Variants in COL6A6 observed in about 807,000 individuals in gnomAD.
The protein encoded by COL6A6 is collagen type VI alpha 6 chain.
In COL6A6, 183 loss-of-function variants were observed where a neutral mutation model predicts 208.6. The observed-to-expected ratio is 0.88, with a 90% confidence interval of 0.78 to 0.99. The LOEUF (loss-of-function observed/expected upper bound fraction) is 0.99, where lower values mean the gene tolerates loss of function less well. Ranked by LOEUF, COL6A6 falls within the 50% of genes least tolerant of loss-of-function variation. The pLI, the probability that COL6A6 is intolerant of heterozygous loss-of-function variation, is 0.00. For missense variants in COL6A6, 2,816 were observed against 2,815.2 expected (o/e 1.00, Z -0.01); for synonymous variants, 973 against 1,011.8 (o/e 0.96, Z 0.73).
In COL6A6 at chr3:130,627,370, G is replaced by A. The variant is rs1245389814; in HGVS notation, c.4992+1G>A. On this transcript the variant is annotated splice_donor_variant, in intron 26 of 36. Coordinates refer to ENST00000358511, the MANE Select transcript of COL6A6 (RefSeq NM_001102608.3). LOFTEE classifies it high-confidence loss of function. Reference sequence around the variant, plus strand: ...TAGTGTCGGACGCAAGGGAGCAAAGGTAAGTCAAGTCTGCTGGAAGCTGGA... The same window carrying A: ...TAGTGTCGGACGCAAGGGAGCAAAGATAAGTCAAGTCTGCTGGAAGCTGGA... 1.2e-5 allele frequency: 20 copies of A among 1,613,568 alleles called. No homozygotes were observed. The highest frequency in any genetic ancestry group is 1.5e-5 in the Non-Finnish European group (18 of 1,179,502).
At position 130,582,112 on chromosome 3, in the gene COL6A6, A is replaced by G. The variant is rs2063439154; in HGVS notation, c.3970+44A>G. 3 of 1,204,148 alleles carry G rather than the reference A, an allele frequency of 2.5e-6. No homozygotes were observed. The East Asian group carries it at 7.5e-5, about 30-fold the overall frequency. 74.6% of individuals were successfully genotyped at this position (1,204,148 alleles called of 1,614,324 possible). On this transcript the variant is annotated intron_variant, in intron 10 of 36. Transcript: ENST00000358511. Reference sequence around the variant, plus strand: ...TGGGAAGGGAGTGCTTATTAACTTTATAATCTCAGAACTAAATTCTGGCTC... The same window carrying G: ...TGGGAAGGGAGTGCTTATTAACTTTGTAATCTCAGAACTAAATTCTGGCTC...
chr3:130,579,503 G>A (rs2063372424), intron 8 of COL6A6, among the ~76,000 whole-genome samples: 2 of 152,100 alleles, frequency 1.3e-5, no homozygotes, highest in South Asian at 4.2e-4. Context: ...ATTGCTATTT[G>A]GAGGACTAGT....
At chr3:130,645,889 C>CTTTTACCTTTTGTAT (rs1252919603) in intron 32 of COL6A6, among the ~76,000 whole-genome samples, 1 of 152,216 alleles carries the variant, frequency 6.6e-6, no homozygotes, top group African/African-American at 2.4e-5. Context: ...TATAAGCCCA[C>CTTTTACCTTTTGTAT]AAACCCATGT....
intron 20 of COL6A6, among the ~76,000 whole-genome samples, chr3:130,605,459 T>C (rs944734946): frequency 6.6e-5 from 10 of 151,934 alleles, no homozygotes; most frequent in African/African-American, 1.9e-4. Context: ...AATGAAAATA[T>C]CTATTGCTAT....
chr3:130,552,083 T>C (rs1441570508), intron 1 of COL6A6, among the ~76,000 whole-genome samples: 1 of 152,218 alleles, frequency 6.6e-6, no homozygotes, highest in Non-Finnish European at 1.5e-5. Context: ...TTAGAGTATG[T>C]GCCATGTGGT....
At chr3:130,657,901 G>A (rs1229309094) in intron 33 of COL6A6, among the ~76,000 whole-genome samples, 2 of 152,200 alleles carry the variant, frequency 1.3e-5, no homozygotes, top group Non-Finnish European at 2.9e-5. Context: ...ATAAGGTCAT[G>A]CCTACAGTTT....
In COL6A6 at chr3:130,559,401, G is replaced by C. The variant is rs190564573; in HGVS notation, c.-31-933G>C. Reference sequence around the variant, plus strand: ...CAAGTTGCAGAATGTCAGAAGGACAGTGATGTAGGTGAGGAAACAGGGATG... The same window carrying C: ...CAAGTTGCAGAATGTCAGAAGGACACTGATGTAGGTGAGGAAACAGGGATG... On this transcript the variant is annotated intron_variant, in intron 1 of 36. Transcript: ENST00000358511. Among the ~76,000 whole-genome samples, 346 of 152,318 alleles carry C rather than the reference G, an allele frequency of 2.3e-3. 3 individuals are homozygous for C. Among genetic ancestry groups the C allele is most frequent in the African/African-American group, 7.9e-3 (327 of 41,576 alleles).
At chr3:130,599,223 A>T (rs976261225) in intron 19 of COL6A6, among the ~76,000 whole-genome samples, 6 of 152,198 alleles carry the variant, frequency 3.9e-5, no homozygotes, top group Non-Finnish European at 7.3e-5. Context: ...ATTATTAGTA[A>T]GTGGTAAATG....
In COL6A6 at chr3:130,627,312, T is replaced by C. The variant is rs1352205566; in HGVS notation, c.4942-7T>C. 6.2e-7 allele frequency: 1 copy of C among 1,612,998 alleles called. No homozygotes were observed. The highest frequency in any genetic ancestry group is 1.3e-5 in the African/African-American group (1 of 74,888). The stretch of plus-strand genomic sequence containing the variant: ...GGGATGTTGGTAATCAATTGCTCTG[T>C]TTACAGGGCAATGATGGCAGTCCAG... On this transcript the variant is annotated splice_region_variant and splice_polypyrimidine_tract_variant and intron_variant, in intron 25 of 36. Coordinates refer to ENST00000358511, the MANE Select transcript of COL6A6 (RefSeq NM_001102608.3).
At chr3:130,530,197 G>T (rs1386404237) in intron 1 of COL6A6, among the ~76,000 whole-genome samples, 1 of 152,108 alleles carries the variant, frequency 6.6e-6, no homozygotes, top group Non-Finnish European at 1.5e-5. Context: ...AAACCGTTTG[G>T]CTCTGGAAAA....
intron 1 of COL6A6, among the ~76,000 whole-genome samples, chr3:130,536,075 T>C (rs1008983907): frequency 6.6e-6 from 1 of 152,240 alleles, no homozygotes; most frequent in Non-Finnish European, 1.5e-5. Flanking sequence ...CCAAATTTTC[T>C]ATTTTTGATT....
intron 1 of COL6A6, among the ~76,000 whole-genome samples, chr3:130,522,096 T>G (rs891650147): frequency 6.6e-6 from 1 of 152,326 alleles, no homozygotes; most frequent in South Asian, 2.1e-4. Context: ...TGCAGTAAAC[T>G]AAGTATAGCT....
intron 18 of COL6A6, 64 bp from the exon 19 acceptor site, chr3:130,598,301 A>C (rs1576300343): frequency 1.8e-6 from 2 of 1,118,510 alleles, no homozygotes; most frequent in East Asian, 5.1e-5. Context: ...TGTTATACAT[A>C]AGTTATATGT....
At chr3:130,668,845 C>CA (rs2066140106) in intron 36 of COL6A6, among the ~76,000 whole-genome samples, 1 of 151,982 alleles carries the variant, frequency 6.6e-6, no homozygotes, top group Non-Finnish European at 1.5e-5. Flanking sequence ...GTCAAACAGA[C>CA]AAAAATTAGT....
At chr3:130,576,129 A>G (rs375759839) in intron 8 of COL6A6, among the ~76,000 whole-genome samples, 1 of 152,320 alleles carries the variant, frequency 6.6e-6, no homozygotes, top group South Asian at 2.1e-4. Context: ...AAAAACTGGG[A>G]ATCACAGCCC....
chr3:130,572,213 C>G (rs1054415636), intron 7 of COL6A6, among the ~76,000 whole-genome samples: 1 of 152,216 alleles, frequency 6.6e-6, no homozygotes, highest in Non-Finnish European at 1.5e-5. Context: ...AAACTCTGTT[C>G]CAGCCTCAGA....
chr3:130,582,809 C>T (rs1026112359), intron 10 of COL6A6, among the ~76,000 whole-genome samples: 11 of 152,252 alleles, frequency 7.2e-5, no homozygotes, highest in Admixed American at 3.9e-4. Context: ...GAAGAATTGC[C>T]CTTGGACAGT....
Position 130,567,259 on chromosome 3 carries a change from G to A in COL6A6, c.1840G>A (p.Glu614Lys). The A allele has an allele frequency of 6.3e-7, 1 of 1,594,066 alleles. No individual in the cohort carries two copies. The highest frequency in any genetic ancestry group is 8.6e-7 in the Non-Finnish European group (1 of 1,167,742). ...AGTTGTTCAAGAAATCTGTACTGAA[G>A]AAGGTAAGAGAAATCGTGGCTTTAC... ...NQVVQEICTE[E>K]ACKEMKADIM... Residue 614 changes from glutamate (E) to lysine (K), a missense_variant, in exon 5 of 37, where the codon GAA becomes AAA. Coordinates refer to ENST00000358511, the MANE Select transcript of COL6A6 (RefSeq NM_001102608.3).
chr3:130,662,377 G>A (rs2065960609), intron 35 of COL6A6, 69 bp downstream of exon 35: 1 of 1,423,538 alleles, frequency 7.0e-7, no homozygotes, highest in Non-Finnish European at 9.5e-7. Context: ...AAAGGTTGAT[G>A]AGCTAACATG....
Sources: allele counts gnomAD v4.1 joint callset (sites outside exome capture counted in the v4.1 genomes callset), GRCh38; gene constraint gnomAD v4.1.1; transcripts MANE v1.5; gene names NCBI Gene and HGNC (gene_info 2026-07-23, HGNC 2026-07-21).